Variants in GRP observed in about 807,000 individuals in gnomAD.
The protein encoded by GRP is gastrin releasing peptide, also known as gastrin-releasing peptide.
GRP carries 11 observed loss-of-function variants against 12.7 expected under a neutral mutation model. That is an observed-to-expected ratio of 0.87 (90% CI 0.55 to 1.44). The LOEUF (loss-of-function observed/expected upper bound fraction) is 1.44, where lower values mean the gene tolerates loss of function less well. GRP is among the 40% of genes most tolerant of loss of function. GRP has a pLI of 0.00. For synonymous variants in GRP, 84 were observed against 77.7 expected (o/e 1.08, Z -0.43); for missense variants, 212 against 185.4 (o/e 1.14, Z -0.83).
chr18:59,227,223 C>T (rs2069957871), intron 2 of GRP, among the ~76,000 whole-genome samples: 2 of 151,778 alleles, frequency 1.3e-5, no homozygotes, highest in Non-Finnish European at 2.9e-5. Flanking sequence ...AACTGAAGTT[C>T]ACTTGTTGCA....
upstream of GRP, chr18:59,220,077 G>A: frequency 2.4e-6 from 1 of 417,476 alleles, no homozygotes; most frequent in South Asian, 4.0e-5. Context: ...AGACGTCAGA[G>A]CGCTCTGGTC....
At chr18:59,229,538 G>T (rs527502029) in intron 2 of GRP, among the ~76,000 whole-genome samples, 250 of 152,268 alleles carry the variant, frequency 1.6e-3, no homozygotes, top group African/African-American at 5.4e-3. Context: ...GGGCTCATTA[G>T]CCCATGGTCA....
chr18:59,220,107 A>G, upstream of GRP: 2 of 198,492 alleles, frequency 1.0e-5, no homozygotes, highest in East Asian at 2.0e-4. Flanking sequence ...AGAGCCCCCC[A>G]GCCCCCCCGC....
chr18:59,224,411 G>T (rs2069882865), intron 1 of GRP, among the ~76,000 whole-genome samples: 1 of 152,198 alleles, frequency 6.6e-6, no homozygotes, highest in Non-Finnish European at 1.5e-5. Context: ...TAAGACTGAA[G>T]ATCTTTCAAA....
chr18:59,220,340 G>T lies in GRP; in HGVS notation c.75G>T (p.Pro25=), dbSNP rs1223347417. 2.0e-6 allele frequency: 3 copies of T among 1,483,602 alleles called. No individual in the cohort carries two copies. The highest frequency in any genetic ancestry group is 2.7e-6 in the Non-Finnish European group (3 of 1,120,380). 91.9% of individuals were successfully genotyped at this position (1,483,602 alleles called of 1,614,324 possible). A position where few individuals can be genotyped will look rare whatever the true frequency, so the allele number is the denominator to read the frequency against. Residue 25 remains proline, a synonymous_variant, in exon 1 of 3, where the codon CCG becomes CCT. Coordinates refer to ENST00000256857, the MANE Select transcript of GRP (RefSeq NM_002091.5). The stretch of plus-strand genomic sequence containing the variant: ...TGGCGCCCCGGGGGCGAGCGGTCCC[G>T]CTGCCTGCGGGCGGAGGGACCGTGC... ...LCLAPRGRAV[P]LPAGGGTVLT...
At chr18:59,228,068 C>T (rs2069972913) in intron 2 of GRP, among the ~76,000 whole-genome samples, 1 of 152,130 alleles carries the variant, frequency 6.6e-6, no homozygotes, top group Non-Finnish European at 1.5e-5. Context: ...TCATTTAATT[C>T]CACCTCCAGT....
intron 1 of GRP, among the ~76,000 whole-genome samples, chr18:59,221,641 C>G (rs72956153): frequency 0.041 from 6,158 of 151,928 alleles, 192 homozygotes; most frequent in African/African-American, 0.088. Context: ...CTACTTAGAA[C>G]GGGCGCTGGG....
intron 2 of GRP, among the ~76,000 whole-genome samples, chr18:59,227,041 CTTTCTTTCTTTCTTCCTTT>C (rs2069948787): frequency 7.8e-6 from 1 of 127,480 alleles, no homozygotes; most frequent in Non-Finnish European, 1.7e-5. Flanking sequence ...TTCTTTCTTT[CTTTCTTTCTTTCTTCCTTT>C]CTTTCTTTTC....
rs961473926 is a variant in GRP at position 59,230,544 on chromosome 18, C to T, written c.*76C>T. ...TTCTGCAAGCATCAGTTCTACGGAT[C>T]ATCAACAAGATTTCCTTGTGCAAAA... On this transcript the variant is annotated 3_prime_UTR_variant, in exon 3 of 3. Transcript: ENST00000256857. 3 of 819,718 alleles carry T rather than the reference C, an allele frequency of 3.7e-6. No individual in the cohort carries two copies. The highest frequency in any genetic ancestry group is 2.2e-6 in the Non-Finnish European group (1 of 464,090). The allele number at this position is 819,718 out of a possible 1,614,324, so 50.8% of individuals were successfully genotyped here.
At chr18:59,221,510 C>T (rs764833359) in intron 1 of GRP, among the ~76,000 whole-genome samples, 1 of 152,242 alleles carries the variant, frequency 6.6e-6, no homozygotes, top group East Asian at 1.9e-4. Context: ...ACTACAACAA[C>T]CCCAACCAGC....
chr18:59,227,281 A>T (rs146151544), intron 2 of GRP, among the ~76,000 whole-genome samples: 4 of 152,122 alleles, frequency 2.6e-5, no homozygotes, highest in Admixed American at 6.5e-5. Context: ...CAGAAAAAAA[A>T]CAAAAACCAA....
chr18:59,225,802 A>C, intron 2 of GRP, 68 bp downstream of exon 2: 2 of 1,447,688 alleles, frequency 1.4e-6, no homozygotes, highest in East Asian at 4.6e-5. Context: ...GGGCAAGTTC[A>C]AAGGAGGAAG....
In GRP at chr18:59,230,459, C is replaced by G; in HGVS notation, c.438C>G (p.Asn146Lys). The G allele has an allele frequency of 6.3e-7, 1 of 1,584,004 alleles. No homozygotes were observed. The highest frequency in any genetic ancestry group is 1.1e-5 in the South Asian group (1 of 90,482). The change falls in exon 3 of 3, where the codon AAC (asparagine) becomes AAG (lysine). Residue 146 changes from asparagine (N) to lysine (K), a missense_variant. Transcript: ENST00000256857. ...GTGAAGGAAGGAACCCCCAGCTGAA[C>G]CAGCAATGATAATGATGGCCTCTCT... ...SQREGRNPQLNQQ is the reference protein window; with the variant it reads ...SQREGRNPQLKQQ
Position 59,220,228 on chromosome 18 carries a change from G to T in GRP, c.-38G>T. On this transcript the variant is annotated 5_prime_UTR_variant, in exon 1 of 3. Transcript: ENST00000256857. ...GGGTCACCAGTCTCTGCTCTTCCCA[G>T]CCTCTCCGGCGCGCTCCAAGGGCTT... The T allele has an allele frequency of 7.1e-7, 1 of 1,417,814 alleles. No homozygotes were observed. Among genetic ancestry groups the T allele is most frequent in the Non-Finnish European group, 9.2e-7 (1 of 1,088,134 alleles). 87.8% of individuals were successfully genotyped at this position (1,417,814 alleles called of 1,614,324 possible).
chr18:59,225,885 C>T, intron 2 of GRP, 151 bp downstream of exon 2: 1 of 618,006 alleles, frequency 1.6e-6, no homozygotes, highest in South Asian at 2.7e-5. Context: ...CATTGACAGA[C>T]AATTTCTACA....
intron 2 of GRP, among the ~76,000 whole-genome samples, chr18:59,226,548 G>C (rs886321765): frequency 6.6e-6 from 1 of 152,186 alleles, no homozygotes; most frequent in African/African-American, 2.4e-5. Flanking sequence ...AGAAGTCTTA[G>C]ACGGAAGATT....
At position 59,220,339 on chromosome 18, in the gene GRP, C is replaced by A. The variant is rs779351362; in HGVS notation, c.74C>A (p.Pro25Gln). Reference sequence around the variant, plus strand: ...CTGGCGCCCCGGGGGCGAGCGGTCCCGCTGCCTGCGGGCGGAGGGACCGTG... The same window carrying A: ...CTGGCGCCCCGGGGGCGAGCGGTCCAGCTGCCTGCGGGCGGAGGGACCGTG... ...LCLAPRGRAV[P>Q]LPAGGGTVLT... Residue 25 changes from proline (P) to glutamine (Q), a missense_variant, in exon 1 of 3, where the codon CCG becomes CAG. Transcript: ENST00000256857. The A allele has an allele frequency of 3.4e-6, 5 of 1,485,054 alleles. No individual in the cohort carries two copies. The highest frequency in any genetic ancestry group is 4.5e-6 in the Non-Finnish European group (5 of 1,121,120). 92.0% of individuals were successfully genotyped at this position (1,485,054 alleles called of 1,614,324 possible).
At chr18:59,220,435 TTG>T (rs2069812332) in intron 1 of GRP, 31 bp downstream of exon 1, 4 of 1,338,752 alleles carry the variant, frequency 3.0e-6, no homozygotes, top group Non-Finnish European at 3.8e-6. Flanking sequence ...AGCCGCGCGC[TTG>T]TCCTCCTCTG....
Position 59,220,278 on chromosome 18 carries a change from G to A in GRP, c.13G>A (p.Glu5Lys). Residue 5 changes from glutamate to lysine, a missense_variant, in exon 1 of 3, where the codon GAG (glutamate) becomes AAG (lysine). Glu to Lys is a moderately conservative substitution (Grantham distance 56, BLOSUM62 1). Transcript: ENST00000256857. Reference protein sequence around the residue: MRGRELPLVLLALVL... With the variant: MRGRKLPLVLLALVL... ...TCCCGTCGGGACCATGCGCGGCCGT[G>A]AGCTCCCGCTGGTCCTGCTGGCGCT... The A allele has an allele frequency of 1.3e-6, 2 of 1,505,620 alleles. No homozygotes were observed. Among genetic ancestry groups the A allele is most frequent in the Admixed American group, 2.1e-5 (1 of 48,394 alleles). 93.3% of individuals were successfully genotyped at this position (1,505,620 alleles called of 1,614,324 possible).
Sources: allele counts gnomAD v4.1 joint callset (sites outside exome capture counted in the v4.1 genomes callset), GRCh38; gene constraint gnomAD v4.1.1; transcripts MANE v1.5; gene names NCBI Gene and HGNC (gene_info 2026-07-23, HGNC 2026-07-21).